Variants in OCIAD2 observed in about 807,000 individuals in gnomAD.
OCIAD2 encodes OCIA domain containing 2.
OCIAD2 carries 29 observed loss-of-function variants against 22.9 expected under a neutral mutation model. The ratio of observed to expected loss-of-function variants is 1.27; its 90% confidence interval spans 0.94 to 1.73. The LOEUF (loss-of-function observed/expected upper bound fraction) is 1.73. Among genes scored for constraint, OCIAD2 ranks in the 40% most tolerant of loss-of-function variants. The pLI, the probability that OCIAD2 is intolerant of heterozygous loss-of-function variation, is 0.00. For synonymous variants in OCIAD2, 67 were observed against 60.2 expected (o/e 1.11, Z -0.52); for missense variants, 189 against 180.3 (o/e 1.05, Z -0.28).
At chr4:48,892,234 T>C (rs1304387806) in intron 6 of OCIAD2, among the ~76,000 whole-genome samples, 2 of 152,228 alleles carry the variant, frequency 1.3e-5, no homozygotes, top group East Asian at 1.9e-4. Context: ...AAAAACTATC[T>C]TGATCACTAT....
intron 2 of OCIAD2, among the ~76,000 whole-genome samples, chr4:48,903,273 T>A (rs539346451): frequency 1.3e-5 from 2 of 152,288 alleles, no homozygotes; most frequent in East Asian, 3.9e-4. Flanking sequence ...AGCTAATTAG[T>A]AATAAAGGAC....
chr4:48,886,168 T>C (rs1417232644), intron 6 of OCIAD2, among the ~76,000 whole-genome samples: 1 of 152,208 alleles, frequency 6.6e-6, no homozygotes, highest in Non-Finnish European at 1.5e-5. Flanking sequence ...CCCAGCACCA[T>C]TTATTAAATA....
chr4:48,899,896 C>G lies in OCIAD2; in HGVS notation c.96G>C (p.Leu32=). 6.2e-7 allele frequency: 1 copy of G among 1,613,778 alleles called. No individual in the cohort carries two copies. Among genetic ancestry groups the G allele is most frequent in the Non-Finnish European group, 8.5e-7 (1 of 1,179,886 alleles). Residue 32 remains leucine (L), a synonymous_variant, in exon 3 of 7, where the codon CTG becomes CTC. Transcript: ENST00000508632. The part of the protein sequence containing the change: ...QSLLFCPKSK[L]HIHRAEISKI... Reference sequence around the variant, plus strand: ...TTGAGATCTCTGCTCTGTGGATGTGCAGTTTTGATTTTGGACAAAACAACA... The same window carrying G: ...TTGAGATCTCTGCTCTGTGGATGTGGAGTTTTGATTTTGGACAAAACAACA...
intron 1 of OCIAD2, among the ~76,000 whole-genome samples, chr4:48,905,931 A>C (rs1258237508): frequency 6.6e-6 from 1 of 152,180 alleles, no homozygotes; most frequent in Non-Finnish European, 1.5e-5. Context: ...AATGGACACA[A>C]CAATGGTGAG....
chr4:48,904,554 A>T lies in OCIAD2; in HGVS notation c.-5T>A. The T allele has an allele frequency of 6.2e-7, 1 of 1,613,968 alleles. No homozygotes were observed. Among genetic ancestry groups the T allele is most frequent in the South Asian group, 1.1e-5 (1 of 91,082 alleles). On this transcript the variant is annotated 5_prime_UTR_variant, in exon 2 of 7. Coordinates refer to ENST00000508632, the MANE Select transcript of OCIAD2 (RefSeq NM_001014446.3). ...ACGAGCAGACGCTGAAGCCATGATG[A>T]CTTTGTGCTTGCTCTCCTTCCAGTT...
chr4:48,905,693 C>A (rs1391193761), intron 1 of OCIAD2, among the ~76,000 whole-genome samples: 8 of 152,224 alleles, frequency 5.3e-5, no homozygotes, highest in African/African-American at 1.9e-4. Context: ...CTGTTTCCTA[C>A]ATCAGTTACT....
chr4:48,893,122 C>T, intron 5 of OCIAD2: 1 of 299,576 alleles, frequency 3.3e-6, no homozygotes, highest in Non-Finnish European at 6.1e-6. Flanking sequence ...AGCCACAGTG[C>T]TGTCCTGGAG....
At chr4:48,903,964 AAAATTTTAAATTTT>A (rs1246833645) in intron 2 of OCIAD2, among the ~76,000 whole-genome samples, 1 of 152,078 alleles carries the variant, frequency 6.6e-6, no homozygotes, top group African/African-American at 2.4e-5. Flanking sequence ...TTTTGTAAAT[AAAATTTTAAATTTT>A]AAATTTTAAA....
At chr4:48,886,373 G>C (rs559254237) in intron 6 of OCIAD2, among the ~76,000 whole-genome samples, 1 of 152,066 alleles carries the variant, frequency 6.6e-6, no homozygotes, top group Non-Finnish European at 1.5e-5. Context: ...TAAGTTTTAG[G>C]GTACATGTGC....
chr4:48,901,290 C>G (rs1489356050), intron 2 of OCIAD2, among the ~76,000 whole-genome samples: 1 of 151,866 alleles, frequency 6.6e-6, no homozygotes, highest in Non-Finnish European at 1.5e-5. Context: ...CCCTATGGAC[C>G]CATGAGAGAA....
At chr4:48,885,961 T>A (rs1780975180) in intron 6 of OCIAD2, among the ~76,000 whole-genome samples, 1 of 152,222 alleles carries the variant, frequency 6.6e-6, no homozygotes, top group Non-Finnish European at 1.5e-5. Context: ...CGGCCTTTGT[T>A]ACCATCGCTT....
In OCIAD2 at chr4:48,905,146, C is replaced by A. The variant is rs59582819; in HGVS notation, c.-62-535G>T. On this transcript the variant is annotated intron_variant, in intron 1 of 6. Coordinates refer to ENST00000508632, the MANE Select transcript of OCIAD2 (RefSeq NM_001014446.3). ...GGAGTTACAGGGACGTGAACAAAGA[C>A]CCTGGTGGGAATTTAGCATCTTTGA... Among the ~76,000 whole-genome samples the A allele has an allele frequency of 3.1e-3, 475 of 152,056 alleles. 1 individual carries two copies. Among genetic ancestry groups the A allele is most frequent in the African/African-American group, 0.011 (445 of 41,462 alleles).
Position 48,904,602 on chromosome 4 carries a change from G to A in OCIAD2, c.-53C>T. The A allele has an allele frequency of 6.7e-7, 1 of 1,497,750 alleles. No individual in the cohort carries two copies. The highest frequency in any genetic ancestry group is 1.1e-5 in the South Asian group (1 of 88,792). The allele number at this position is 1,497,750 out of a possible 1,614,324, so 92.8% of individuals were successfully genotyped here. On this transcript the variant is annotated 5_prime_UTR_variant, in exon 2 of 7. Transcript: ENST00000508632. ...GTTGTTTATCCTCTGCTTACTCCTTGACCCAGTGTCTAAGGAAGGTAGAAG... is the reference window on the plus strand; with the variant it reads ...GTTGTTTATCCTCTGCTTACTCCTTAACCCAGTGTCTAAGGAAGGTAGAAG...
chr4:48,890,111 TG>T (rs1298401477), intron 6 of OCIAD2, among the ~76,000 whole-genome samples: 6 of 44,356 alleles, frequency 1.4e-4, no homozygotes, highest in South Asian at 1.9e-3. Flanking sequence ...TGTTGTGGGG[TG>T]GGGGGAGGGG....
chr4:48,899,793 G>T (rs752699541), intron 3 of OCIAD2, 36 bp downstream of exon 3: 1 of 1,458,896 alleles, frequency 6.9e-7, no homozygotes, highest in South Asian at 1.2e-5. Context: ...TATTTAGGCA[G>T]TTTACTGCCA....
chr4:48,887,956 C>T (rs1261569511), intron 6 of OCIAD2, among the ~76,000 whole-genome samples: 2 of 152,122 alleles, frequency 1.3e-5, no homozygotes, highest in Non-Finnish European at 2.9e-5. Flanking sequence ...GATATTGATT[C>T]TTCCTACCCA....
chr4:48,886,846 G>A (rs1204931000), intron 6 of OCIAD2, among the ~76,000 whole-genome samples: 2 of 152,140 alleles, frequency 1.3e-5, no homozygotes, highest in Non-Finnish European at 2.9e-5. Flanking sequence ...AATCCTTTGG[G>A]TATATAACCA....
At chr4:48,885,839 T>G (rs1780971007) in intron 6 of OCIAD2, among the ~76,000 whole-genome samples, 1 of 152,156 alleles carries the variant, frequency 6.6e-6, no homozygotes, top group Non-Finnish European at 1.5e-5. Flanking sequence ...CCTTGTTTTT[T>G]CAGAAATAAT....
chr4:48,892,028 G>A (rs894703196), intron 6 of OCIAD2, among the ~76,000 whole-genome samples: 6 of 152,166 alleles, frequency 3.9e-5, no homozygotes, highest in African/African-American at 1.4e-4. Flanking sequence ...AAGAACTTGG[G>A]TGTTTTGACT....
Sources: allele counts gnomAD v4.1 joint callset (sites outside exome capture counted in the v4.1 genomes callset), GRCh38; gene constraint gnomAD v4.1.1; transcripts MANE v1.5; gene names NCBI Gene and HGNC (gene_info 2026-07-23, HGNC 2026-07-21).